The following UCP1 variants were observed in gnomAD, a reference collection of about 807,000 sequenced individuals.
The protein encoded by UCP1 is mitochondrial brown fat uncoupling protein 1.
In UCP1, 24 loss-of-function variants were observed where a neutral mutation model predicts 26.2. That is an observed-to-expected ratio of 0.92 (90% confidence interval 0.66 to 1.29). The LOEUF (loss-of-function observed/expected upper bound fraction) is 1.29. Among genes scored for constraint, UCP1 ranks in the 50% most tolerant of loss-of-function variants. The pLI is 0.00. For synonymous variants in UCP1, 164 were observed against 156.8 expected, an observed-to-expected ratio of 1.05 and a Z score of -0.34; for missense variants, 402 against 388.7, an observed-to-expected ratio of 1.03 and a Z score of -0.29.
Position 140,562,315 on chromosome 4 carries a change from C to T in UCP1, c.687G>A (p.Met229Ile). Residue 229 changes from methionine (M) to isoleucine (I), a missense_variant, in exon 5 of 6, where the codon ATG becomes ATA. Met to Ile is a conservative substitution (Grantham distance 10). Coordinates refer to ENST00000262999, the MANE Select transcript of UCP1 (RefSeq NM_021833.5). ...TTTTTACTACATCCACCGGGGAGGA[C>T]ATAGCTGTTGCGCAAAATCCAGCGA... ...ALIAGFCATA[M>I]SSPVDVVKTR... 1 of 1,614,030 alleles carries T rather than the reference C, an allele frequency of 6.2e-7. No homozygotes were observed. The highest frequency in any genetic ancestry group is 1.7e-4 in the Middle Eastern group (1 of 6,060).
chr4:140,568,893 C>T lies in UCP1; in HGVS notation c.-164G>A, dbSNP rs376000044. ...GCGGTGCAGAGGCGGCGGCTGCAGA[C>T]GGAGCGCGGTGTTGGGGGCCGAGTC... On this transcript the variant is annotated 5_prime_UTR_variant, in exon 1 of 6. Transcript: ENST00000262999. 297 of 1,108,844 alleles carry T rather than the reference C, an allele frequency of 2.7e-4. No individual in the cohort carries two copies. The African/African-American group carries it at 3.8e-3, about 14-fold the overall frequency. The allele number at this position is 1,108,844 out of a possible 1,614,324, so 68.7% of individuals were successfully genotyped here.
chr4:140,563,630 T>C, intron 2 of UCP1, 112 bp from the exon 3 acceptor site: 4 of 989,256 alleles, frequency 4.0e-6, no homozygotes, highest in Non-Finnish European at 5.9e-6. Context: ...TTTTTTGAGA[T>C]GGAGTCTTGC....
intron 2 of UCP1, among the ~76,000 whole-genome samples, chr4:140,564,377 C>A: frequency 6.6e-6 from 1 of 152,156 alleles, no homozygotes; most frequent in Non-Finnish European, 1.5e-5. Flanking sequence ...TTGCTCAAGA[C>A]AGATTTCATT....
rs1295687161 is a variant in UCP1 at position 140,567,861 on chromosome 4, C to G, written c.243G>C (p.Gly81=). The G allele has an allele frequency of 5.0e-6, 8 of 1,614,116 alleles. No individual in the cohort carries two copies. The highest frequency in any genetic ancestry group is 6.8e-6 in the Non-Finnish European group (8 of 1,180,014). Residue 81 remains glycine (G), a synonymous_variant, in exon 2 of 6, where the codon GGG becomes GGC. Coordinates refer to ENST00000262999, the MANE Select transcript of UCP1 (RefSeq NM_021833.5). Reference sequence around the variant, plus strand: ...AGGCGGAGCTGATTTGCCGCTGAAGCCCCGCAGGCAGCCCGCTGTAGAGTT... The same window carrying G: ...AGGCGGAGCTGATTTGCCGCTGAAGGCCCGCAGGCAGCCCGCTGTAGAGTT... ...RMKLYSGLPA[G]LQRQISSASL...
chr4:140,563,034 T>C, intron 4 of UCP1, 76 bp downstream of exon 4: 1 of 1,109,224 alleles, frequency 9.0e-7, no homozygotes, highest in Non-Finnish European at 1.4e-6. Flanking sequence ...AGAGATTGAG[T>C]ATAAGGTGGC....
chr4:140,568,562 C>T, intron 1 of UCP1, 42 bp downstream of exon 1: 1 of 1,613,094 alleles, frequency 6.2e-7, no homozygotes, highest in East Asian at 2.2e-5. Flanking sequence ...ACAGCGTCCC[C>T]TCTGTCCTGA....
chr4:140,565,890 T>A (rs987243781), intron 2 of UCP1, among the ~76,000 whole-genome samples: 2 of 151,592 alleles, frequency 1.3e-5, no homozygotes, highest in Admixed American at 1.3e-4. Context: ...CCCGTAAGAT[T>A]AGAACAGAGC....
intron 5 of UCP1, among the ~76,000 whole-genome samples, chr4:140,560,969 A>G (rs896438816): frequency 2.6e-5 from 4 of 152,150 alleles, no homozygotes; most frequent in African/African-American, 9.7e-5. Flanking sequence ...TTTAAGTGTA[A>G]TCATACAGTA....
In UCP1 at chr4:140,563,307, A is replaced by C. The variant is rs1735722144; in HGVS notation, c.526+11T>G. The C allele has an allele frequency of 6.2e-7, 1 of 1,613,846 alleles. No individual in the cohort carries two copies. Among genetic ancestry groups the C allele is most frequent in the Non-Finnish European group, 8.5e-7 (1 of 1,179,978 alleles). ...TTTGGTGGTTATAAAACCCATTTTG[A>C]AGTTAGTTACCTTTCCAAAGACCCG... is the stretch of plus-strand genomic sequence containing the variant. On this transcript the variant is annotated intron_variant, in intron 3 of 5. Transcript: ENST00000262999.
At chr4:140,564,073 A>G (rs752579360) in intron 2 of UCP1, among the ~76,000 whole-genome samples, 5 of 152,226 alleles carry the variant, frequency 3.3e-5, no homozygotes, top group Non-Finnish European at 7.3e-5. Context: ...GCTTATTTTC[A>G]CAGTGGCCTG....
At chr4:140,568,002 A>G (rs1476945460) in intron 1 of UCP1, 25 bp from the exon 2 acceptor site, 1 of 1,613,582 alleles carries the variant, frequency 6.2e-7, no homozygotes, top group Non-Finnish European at 8.5e-7. Context: ...GGTGCAGAAC[A>G]GAAGGGAGCG....
At chr4:140,565,933 C>A (rs1268080622) in intron 2 of UCP1, among the ~76,000 whole-genome samples, 1 of 152,068 alleles carries the variant, frequency 6.6e-6, no homozygotes, top group African/African-American at 2.4e-5. Flanking sequence ...GACATCCCAG[C>A]CCCATAAGAC....
intron 5 of UCP1, 42 bp downstream of exon 5, chr4:140,562,151 G>T (rs1365903477): frequency 6.2e-7 from 1 of 1,611,670 alleles, no homozygotes; most frequent in Admixed American, 1.7e-5. Context: ...AAAGCACACA[G>T]ACAGCCAGAA....
chr4:140,568,919 C>T lies in UCP1; in HGVS notation c.-190G>A. 1 of 766,020 alleles carries T rather than the reference C, an allele frequency of 1.3e-6. No individual in the cohort carries two copies. Among genetic ancestry groups the T allele is most frequent in the East Asian group, 2.7e-5 (1 of 36,612 alleles). 47.5% of individuals were successfully genotyped at this position (766,020 alleles called of 1,614,324 possible). ...GGAGCGCGGTGTTGGGGGCCGAGTC[C>T]CCGCGTCCCCTCCTACCCACCCTCG... On this transcript the variant is annotated 5_prime_UTR_variant, in exon 1 of 6. Coordinates refer to ENST00000262999, the MANE Select transcript of UCP1 (RefSeq NM_021833.5).
chr4:140,561,838 CA>C (rs1447657256), intron 5 of UCP1, among the ~76,000 whole-genome samples: 1 of 152,144 alleles, frequency 6.6e-6, no homozygotes, highest in Non-Finnish European at 1.5e-5. Context: ...CAAATTAAAT[CA>C]AATCAAATCT....
At chr4:140,563,898 C>T (rs1241182188) in intron 2 of UCP1, among the ~76,000 whole-genome samples, 2 of 152,084 alleles carry the variant, frequency 1.3e-5, no homozygotes, top group Non-Finnish European at 2.9e-5. Context: ...ATGAGCCACC[C>T]ACCTGGCCCA....
chr4:140,562,936 T>G (rs1212993860), intron 4 of UCP1, among the ~76,000 whole-genome samples, 174 bp downstream of exon 4: 1 of 152,214 alleles, frequency 6.6e-6, no homozygotes, highest in East Asian at 1.9e-4. Flanking sequence ...CTTCTTAAAC[T>G]TAATATTTTG....
At position 140,559,565 on chromosome 4, in the gene UCP1, A is replaced by C. The variant is rs924127168; in HGVS notation, c.*331T>G. On this transcript the variant is annotated 3_prime_UTR_variant, in exon 6 of 6. Coordinates refer to ENST00000262999, the MANE Select transcript of UCP1 (RefSeq NM_021833.5). The stretch of plus-strand genomic sequence containing the variant: ...CATTTCACTCAGTTTCTTTTCCACC[A>C]GTTGGAATTGTAATTAAAACATGTT... 1 of 225,158 alleles carries C rather than the reference A, an allele frequency of 4.4e-6. No homozygotes were observed. Among genetic ancestry groups the C allele is most frequent in the Non-Finnish European group, 8.7e-6 (1 of 115,284 alleles). The allele number at this position is 225,158 out of a possible 1,614,324, so 13.9% of individuals were successfully genotyped here. A position where few individuals can be genotyped will look rare whatever the true frequency, so the allele number is the denominator to read the frequency against.
At position 140,562,334 on chromosome 4, in the gene UCP1, C is replaced by A; in HGVS notation, c.668G>T (p.Gly223Val). ...GGAGGACATAGCTGTTGCGCAAAAT[C>A]CAGCGATAAGAGCCGACACCAAGTG... ...PCHLVSALIAGFCATAMSSPV... is the reference protein window; with the variant it reads ...PCHLVSALIAVFCATAMSSPV... Residue 223 changes from glycine (G) to valine (V), a missense_variant, in exon 5 of 6, where the codon GGA becomes GTA. By Grantham distance (109) the Gly-to-Val change is moderately radical. Coordinates refer to ENST00000262999, the MANE Select transcript of UCP1 (RefSeq NM_021833.5). 1 of 1,614,028 alleles carries A rather than the reference C, an allele frequency of 6.2e-7. No homozygotes were observed. Among genetic ancestry groups the A allele is most frequent in the Non-Finnish European group, 8.5e-7 (1 of 1,179,994 alleles).
Sources: gnomAD v4.1 joint callset for allele counts (sites outside exome capture counted in the v4.1 genomes callset) on GRCh38, gnomAD v4.1.1 for gene constraint, MANE v1.5 for transcripts, NCBI Gene and HGNC (gene_info 2026-07-23, HGNC 2026-07-21) for gene names.